BMPR2: variants seen among roughly 807,000 people sequenced by gnomAD.
The protein encoded by BMPR2 is bone morphogenetic protein receptor type-2.
Under a neutral mutation model 100.8 loss-of-function variants are expected in BMPR2, and 29 were observed. That is an observed-to-expected ratio of 0.29 (90% CI 0.21 to 0.39). BMPR2 has a LOEUF of 0.39. Ranked by LOEUF, BMPR2 falls within the 10% of genes least tolerant of loss-of-function variation. The probability of loss-of-function intolerance (pLI) is 1.00; values close to 1 mark genes in which losing one functional copy is unlikely to be tolerated. For missense variants in BMPR2, 1,011 were observed against 1,274.5 expected (o/e 0.79, Z 3.15); for synonymous variants, 382 against 442.3 (o/e 0.86, Z 1.71).
intron 1 of BMPR2, among the ~76,000 whole-genome samples, chr2:202,463,179 A>G (rs1024321216): frequency 6.6e-6 from 1 of 152,194 alleles, no homozygotes; most frequent in Admixed American, 6.5e-5. Context: ...ATGCCTGAGT[A>G]ACCAAGAACA....
chr2:202,423,100 G>A (rs750871795), intron 1 of BMPR2, among the ~76,000 whole-genome samples: 1 of 152,142 alleles, frequency 6.6e-6, no homozygotes, highest in Non-Finnish European at 1.5e-5. Flanking sequence ...TGTTGGCCAG[G>A]CTGGTCTTGA....
At chr2:202,449,852 C>T (rs536386703) in intron 1 of BMPR2, among the ~76,000 whole-genome samples, 1 of 152,042 alleles carries the variant, frequency 6.6e-6, no homozygotes, top group Non-Finnish European at 1.5e-5. Context: ...AATCCCAACA[C>T]TTTGGGATTA....
At chr2:202,405,649 T>C (rs866324932) in intron 1 of BMPR2, among the ~76,000 whole-genome samples, 8 of 138,418 alleles carry the variant, frequency 5.8e-5, no homozygotes, top group African/African-American at 1.7e-4. Flanking sequence ...GATCAAGCCA[T>C]TGCACTCCAG....
At chr2:202,431,753 T>C (rs781574275) in intron 1 of BMPR2, among the ~76,000 whole-genome samples, 5 of 150,548 alleles carry the variant, frequency 3.3e-5, no homozygotes, top group South Asian at 2.1e-4. Flanking sequence ...GGCTATACCA[T>C]GTAGGTTTGT....
intron 7 of BMPR2, among the ~76,000 whole-genome samples, chr2:202,526,735 T>C (rs1431104413): frequency 2.0e-5 from 3 of 152,244 alleles, no homozygotes; most frequent in Admixed American, 6.5e-5. Context: ...CCATCAGATA[T>C]AAGTTTTATT....
At chr2:202,398,051 G>T (rs1222299023) in intron 1 of BMPR2, among the ~76,000 whole-genome samples, 2 of 151,082 alleles carry the variant, frequency 1.3e-5, no homozygotes, top group Admixed American at 1.3e-4. Flanking sequence ...GGAGATTGCG[G>T]TGAGCCAAAA....
At chr2:202,460,916 C>T (rs1006517261) in intron 1 of BMPR2, among the ~76,000 whole-genome samples, 4 of 150,538 alleles carry the variant, frequency 2.7e-5, no homozygotes, top group Admixed American at 6.7e-5. Flanking sequence ...TGCAGTGGTG[C>T]GATAGTTCAC....
At chr2:202,498,875 C>T (rs1459809597) in intron 3 of BMPR2, among the ~76,000 whole-genome samples, 10 of 152,112 alleles carry the variant, frequency 6.6e-5, no homozygotes, top group African/African-American at 2.4e-4. Context: ...ACCTTATGTT[C>T]GAGCTTTCTT....
intron 3 of BMPR2, among the ~76,000 whole-genome samples, chr2:202,471,504 A>C (rs1692436964): frequency 6.6e-6 from 1 of 152,252 alleles, no homozygotes; most frequent in Non-Finnish European, 1.5e-5. Context: ...CATGATACCT[A>C]GAGAAGGACA....
At chr2:202,533,910 A>C (rs1007977597) in intron 9 of BMPR2, among the ~76,000 whole-genome samples, 2 of 152,226 alleles carry the variant, frequency 1.3e-5, no homozygotes, top group Non-Finnish European at 2.9e-5. Flanking sequence ...TTCCCTTCTT[A>C]GGGATTACAT....
intron 1 of BMPR2, among the ~76,000 whole-genome samples, chr2:202,437,029 A>T (rs1028071385): frequency 1.3e-5 from 2 of 149,696 alleles, no homozygotes; most frequent in Non-Finnish European, 2.9e-5. Flanking sequence ...TTTTTTTGAG[A>T]TGGAGTCTCG....
intron 1 of BMPR2, among the ~76,000 whole-genome samples, chr2:202,436,808 G>T (rs1239390260): frequency 4.0e-5 from 6 of 150,454 alleles, no homozygotes; most frequent in Admixed American, 3.3e-4. Context: ...ACCTCAGCCC[G>T]AATTGGCTTT....
In BMPR2 at chr2:202,516,648, C is replaced by CA. The variant is rs374984840; in HGVS notation, c.621+1679dup. ...AGCCTAGGTGACAGAGACCCTGTCT[C>CA]AAAAAAAAAAGGACAAAAGGTATTA... On this transcript the variant is annotated intron_variant, in intron 5 of 12. Transcript: ENST00000374580. 1.7e-4 allele frequency among the ~76,000 whole-genome samples: 24 copies of CA among 141,644 alleles called. No homozygotes were observed. The South Asian group carries it at 1.8e-3, about 11-fold the overall frequency. 92.9% of individuals were successfully genotyped at this position (141,644 alleles called of 152,430 possible).
intron 3 of BMPR2, among the ~76,000 whole-genome samples, chr2:202,475,662 T>C (rs1692531704): frequency 6.6e-6 from 1 of 152,166 alleles, no homozygotes; most frequent in South Asian, 2.1e-4. Context: ...AGTAATCCTT[T>C]TTCATGTTGG....
At chr2:202,555,230 A>T (rs749209164) in intron 11 of BMPR2, 22 bp from the exon 12 acceptor site, 2 of 1,598,358 alleles carry the variant, frequency 1.3e-6, no homozygotes, top group Non-Finnish European at 1.7e-6. Context: ...TCTCAATGTG[A>T]TACTTTTTTT....
At chr2:202,435,373 ATACATATATAT>A (rs1559037649) in intron 1 of BMPR2, among the ~76,000 whole-genome samples, 2 of 74,110 alleles carry the variant, frequency 2.7e-5, no homozygotes, top group African/African-American at 1.3e-4. Flanking sequence ...CAAAAAAAAA[ATACATATATAT>A]ATATATATAT....
chr2:202,472,129 T>C (rs182921212), intron 3 of BMPR2, among the ~76,000 whole-genome samples: 1 of 152,332 alleles, frequency 6.6e-6, no homozygotes, highest in African/African-American at 2.4e-5. Context: ...CTCAAGAATT[T>C]TCTTAGTCAA....
chr2:202,504,320 C>T (rs907831978), intron 3 of BMPR2, among the ~76,000 whole-genome samples: 2 of 152,114 alleles, frequency 1.3e-5, no homozygotes, highest in African/African-American at 4.8e-5. Flanking sequence ...GTAACACTCC[C>T]CGCAAAGGTC....
At position 202,532,099 on chromosome 2, in the gene BMPR2, C is replaced by G. The variant is rs561710097; in HGVS notation, c.1129-486C>G. On this transcript the variant is annotated intron_variant, in intron 8 of 12. Transcript: ENST00000374580. The surrounding 1 kb of genome is among the most constrained non-coding windows in gnomAD (Gnocchi z 4.1). Reference sequence around the variant, plus strand: ...GGACTACAGGCACCCACCACCATGCCTGGTTAATTTTTTATTTTTTTTTAG... The same window carrying G: ...GGACTACAGGCACCCACCACCATGCGTGGTTAATTTTTTATTTTTTTTTAG... Among the ~76,000 whole-genome samples the G allele has an allele frequency of 6.6e-6, 1 of 151,688 alleles. No homozygotes were observed. Among genetic ancestry groups the G allele is most frequent in the South Asian group, 2.1e-4 (1 of 4,774 alleles).
Sources: gnomAD v4.1 joint callset for allele counts (sites outside exome capture counted in the v4.1 genomes callset) on GRCh38, gnomAD v4.1.1 for gene constraint, Gnocchi (gnomAD v3.1) non-coding constraint, MANE v1.5 for transcripts, NCBI Gene and HGNC (gene_info 2026-07-23, HGNC 2026-07-21) for gene names.